The following ZNF254 variants were observed in gnomAD, a reference collection of about 807,000 sequenced individuals.
The protein encoded by ZNF254 is CTD-2017D11.1.
A neutral mutation model predicts 12.4 loss-of-function variants in ZNF254; 10 were observed. The ratio of observed to expected loss-of-function variants is 0.80; its 90% confidence interval spans 0.50 to 1.36. The LOEUF (loss-of-function observed/expected upper bound fraction) is 1.36. Ranked by LOEUF, ZNF254 falls within the 40% of genes most tolerant of loss-of-function variation. The pLI, the probability that ZNF254 is intolerant of heterozygous loss-of-function variation, is 0.00. For missense variants in ZNF254, 996 were observed against 763.9 expected (o/e 1.30, Z -3.58); for synonymous variants, 305 against 253.4 (o/e 1.20, Z -1.93).
At chr19:24,055,374 G>T (rs1249481242) in intron 2 of ZNF254, among the ~76,000 whole-genome samples, 11 of 151,658 alleles carry the variant, frequency 7.3e-5, no homozygotes, top group Admixed American at 3.3e-4. Context: ...CCACCTCCGG[G>T]TTCAAGTGAT....
At chr19:24,110,010 T>C (rs1044869205) in intron 3 of ZNF254, among the ~76,000 whole-genome samples, 6 of 152,100 alleles carry the variant, frequency 3.9e-5, no homozygotes, top group African/African-American at 1.4e-4. Context: ...ATTACAGGCA[T>C]GAGCCACCGT....
chr19:24,033,720 C>G (rs1969851060), intron 1 of ZNF254: 1 of 263,328 alleles, frequency 3.8e-6, no homozygotes. Context: ...CCTGAGGTCC[C>G]TGCTGGCGCA....
rs558078775 is a variant in ZNF254 at position 24,120,143 on chromosome 19, AAG to A, written c.254-6108_254-6107del. Reference sequence around the variant, plus strand: ...GTCTCACATGGTGGCAGACAAAAGAAAGAGCTTGCGCAGGAAAACTGCCTTAT... The same window carrying A: ...GTCTCACATGGTGGCAGACAAAAGAAAGCTTGCGCAGGAAAACTGCCTTAT... On this transcript the variant is annotated intron_variant, in intron 3 of 3. Coordinates refer to ENST00000357002, the MANE Select transcript of ZNF254 (RefSeq NM_203282.4). Among the ~76,000 whole-genome samples, 13 of 152,240 alleles carry A rather than the reference AAG, an allele frequency of 8.5e-5. 1 individual carries two copies. The South Asian group carries it at 2.5e-3, about 29-fold the overall frequency.
chr19:24,077,760 G>A (rs1367601257), intron 2 of ZNF254, among the ~76,000 whole-genome samples: 1 of 151,796 alleles, frequency 6.6e-6, no homozygotes, highest in Non-Finnish European at 1.5e-5. Context: ...TGGTTTTTTT[G>A]GTCTTGTGAT....
upstream of ZNF254, among the ~76,000 whole-genome samples, chr19:24,085,003 G>A (rs1009519495): frequency 6.8e-6 from 1 of 147,782 alleles, no homozygotes; most frequent in Non-Finnish European, 1.5e-5. Context: ...CCTGATCTTG[G>A]CTCACTTCAA....
Position 24,129,091 on chromosome 19 carries a change from G to T in ZNF254, c.*1111G>T, listed in dbSNP as rs552800293. 1.3e-5 allele frequency: 2 copies of T among 151,872 alleles called. No individual in the cohort carries two copies. Among genetic ancestry groups the T allele is most frequent in the Non-Finnish European group, 2.9e-5 (2 of 67,856 alleles). The allele number at this position is 151,872 out of a possible 1,614,324, so 9.4% of individuals were successfully genotyped here. A position where few individuals can be genotyped will look rare whatever the true frequency, so the allele number is the denominator to read the frequency against. ...ATAAGGACATTAAAATGTAAGATGC[G>T]TGAGGAAAATTTAGGTAGAGAGGCT... On this transcript the variant is annotated 3_prime_UTR_variant, in exon 4 of 4. Transcript: ENST00000357002.
chr19:24,097,234 A>G (rs1245583426), intron 1 of ZNF254, among the ~76,000 whole-genome samples: 2 of 152,196 alleles, frequency 1.3e-5, no homozygotes, highest in African/African-American at 4.8e-5. Flanking sequence ...GTTGACACAG[A>G]TTTGTTCAGA....
intron 1 of ZNF254, among the ~76,000 whole-genome samples, chr19:24,034,101 A>G (rs1366175164): frequency 2.0e-5 from 3 of 152,040 alleles, no homozygotes; most frequent in African/African-American, 7.3e-5. Flanking sequence ...GGGATTACAT[A>G]CCTGCGCCAC....
intron 1 of ZNF254, 96 bp downstream of exon 1, chr19:24,087,433 G>A: frequency 6.6e-7 from 1 of 1,518,258 alleles, no homozygotes; most frequent in Non-Finnish European, 9.1e-7. Flanking sequence ...CCCCCAGTCA[G>A]CTCCACAATC....
intron 2 of ZNF254, among the ~76,000 whole-genome samples, chr19:24,063,134 C>G (rs763088647): frequency 6.6e-6 from 1 of 152,202 alleles, no homozygotes; most frequent in South Asian, 2.1e-4. Flanking sequence ...AATTGAGGCT[C>G]TTATGCACAA....
chr19:24,106,710 T>A (rs1973364923), intron 3 of ZNF254, 67 bp downstream of exon 3: 1 of 1,324,058 alleles, frequency 7.6e-7, no homozygotes, highest in Non-Finnish European at 1.0e-6. Context: ...AAGCCACTCT[T>A]TAAAGTGATT....
At chr19:24,098,701 A>G (rs1011223684) in intron 1 of ZNF254, 1 of 152,080 alleles carries the variant, frequency 6.6e-6, no homozygotes, top group Non-Finnish European at 1.5e-5. Context: ...TTTTTTCTCA[A>G]TATAATCTTT....
chr19:24,105,937 C>G lies in ZNF254; in HGVS notation c.31-3C>G, dbSNP rs1568459777. The G allele has an allele frequency of 6.3e-7, 1 of 1,589,420 alleles. No homozygotes were observed. Among genetic ancestry groups the G allele is most frequent in the South Asian group, 1.1e-5 (1 of 90,858 alleles). On this transcript the variant is annotated splice_region_variant and splice_polypyrimidine_tract_variant and intron_variant, in intron 1 of 3. Coordinates refer to ENST00000357002, the MANE Select transcript of ZNF254 (RefSeq NM_203282.4). ...AATATGTGTGTTTGTGTGTGTTTTC[C>G]AGGGACTGTTGACATTTAGGGATGT...
chr19:24,051,895 T>A (rs1008366137), intron 2 of ZNF254, among the ~76,000 whole-genome samples: 1 of 152,084 alleles, frequency 6.6e-6, no homozygotes, highest in Non-Finnish European at 1.5e-5. Context: ...AAACCCTAGG[T>A]CGTGTGATTC....
At chr19:24,098,248 A>AATTACTTACTTAC (rs1405111511) in intron 1 of ZNF254, among the ~76,000 whole-genome samples, 1 of 152,206 alleles carries the variant, frequency 6.6e-6, no homozygotes, top group African/African-American at 2.4e-5. Context: ...CAATAGGGAT[A>AATTACTTACTTAC]ATTATAAGTA....
At chr19:24,038,995 C>G (rs578235594) in intron 1 of ZNF254, among the ~76,000 whole-genome samples, 3 of 152,184 alleles carry the variant, frequency 2.0e-5, no homozygotes, top group Admixed American at 6.6e-5. Context: ...GGCAAGGGTG[C>G]CTTTGGCTTG....
At chr19:24,097,608 C>G (rs1350790134) in intron 1 of ZNF254, among the ~76,000 whole-genome samples, 1 of 151,504 alleles carries the variant, frequency 6.6e-6, no homozygotes, top group Non-Finnish European at 1.5e-5. Context: ...ATGGAGAAAC[C>G]CCATCTCTAT....
At chr19:24,049,081 ACTACCTACCTAC>A (rs753369370) in intron 2 of ZNF254, 2 of 144,304 alleles carry the variant, frequency 1.4e-5, no homozygotes, top group Non-Finnish European at 3.0e-5. Flanking sequence ...TACCTACCTA[ACTACCTACCTAC>A]CTACCTACCT....
intron 3 of ZNF254, among the ~76,000 whole-genome samples, chr19:24,125,618 G>A (rs141815582): frequency 7.4e-4 from 112 of 152,164 alleles, no homozygotes; most frequent in African/African-American, 2.5e-3. Context: ...CATATTCTTA[G>A]GATATGTGTT....
Sources: allele counts gnomAD v4.1 joint callset (sites outside exome capture counted in the v4.1 genomes callset), GRCh38; gene constraint gnomAD v4.1.1; transcripts MANE v1.5; gene names NCBI Gene and HGNC (gene_info 2026-07-23, HGNC 2026-07-21).